Variants in SYT1 observed in about 807,000 individuals in gnomAD.
SYT1 encodes the protein synaptotagmin 1, also known as synaptotagmin-1.
In SYT1, 8 loss-of-function variants were observed where a neutral mutation model predicts 44.8. The observed-to-expected ratio is 0.18, with a 90% CI of 0.10 to 0.32. The LOEUF (loss-of-function observed/expected upper bound fraction) is 0.32, where lower values mean the gene tolerates loss of function less well. SYT1 is among the 10% of genes least tolerant of loss of function. The pLI is 1.00. For missense variants in SYT1, 286 were observed against 509.3 expected, an observed-to-expected ratio of 0.56 and a Z score of 4.22; for synonymous variants, 154 against 188.8, an observed-to-expected ratio of 0.82 and a Z score of 1.51.
intron 4 of SYT1, among the ~76,000 whole-genome samples, chr12:79,266,749 G>C (rs760897780): frequency 2.0e-5 from 3 of 152,162 alleles, no homozygotes; most frequent in Non-Finnish European, 4.4e-5. Flanking sequence ...AATTGCCATG[G>C]AGAGAAACTG....
At chr12:79,380,681 C>A (rs1390159925) in intron 9 of SYT1, among the ~76,000 whole-genome samples, 3 of 152,200 alleles carry the variant, frequency 2.0e-5, no homozygotes, top group African/African-American at 4.8e-5. Flanking sequence ...AGCCATCATG[C>A]CCAGCTAAAC....
chr12:78,945,268 T>G (rs1878591472), intron 1 of SYT1, among the ~76,000 whole-genome samples: 1 of 152,140 alleles, frequency 6.6e-6, no homozygotes, highest in African/African-American at 2.4e-5. Context: ...TAACTTGATT[T>G]TTTTTCTTAC....
chr12:79,032,619 T>C (rs969151451), intron 2 of SYT1, among the ~76,000 whole-genome samples: 1 of 151,376 alleles, frequency 6.6e-6, no homozygotes, highest in Non-Finnish European at 1.5e-5. Context: ...TTTCATTATG[T>C]TGACATTTTA....
chr12:79,022,095 C>T (rs1872233082), intron 2 of SYT1, among the ~76,000 whole-genome samples: 1 of 149,198 alleles, frequency 6.7e-6, no homozygotes, highest in African/African-American at 2.5e-5. Flanking sequence ...AATGAATTTG[C>T]GGAAGAAAAA....
chr12:78,990,582 A>G (rs1223611771), intron 2 of SYT1, among the ~76,000 whole-genome samples: 2 of 152,210 alleles, frequency 1.3e-5, no homozygotes, highest in Non-Finnish European at 2.9e-5. Flanking sequence ...TATTGTGAGA[A>G]GTCCAAAATT....
intron 1 of SYT1, among the ~76,000 whole-genome samples, chr12:78,866,094 A>T (rs577486621): frequency 3.3e-5 from 5 of 152,298 alleles, no homozygotes; most frequent in African/African-American, 7.2e-5. Flanking sequence ...CTTTGTGTAC[A>T]TGTTGATATT....
chr12:79,398,481 G>C (rs1884953636), intron 9 of SYT1, among the ~76,000 whole-genome samples: 1 of 152,150 alleles, frequency 6.6e-6, no homozygotes, highest in Non-Finnish European at 1.5e-5. Flanking sequence ...AGCCTATTAT[G>C]ACATAAAATA....
chr12:79,353,764 C>G, intron 9 of SYT1, 145 bp downstream of exon 9: 1 of 657,116 alleles, frequency 1.5e-6, no homozygotes, highest in Non-Finnish European at 2.8e-6. Context: ...CAGAATTCAT[C>G]CCAACACAGT....
intron 3 of SYT1, among the ~76,000 whole-genome samples, chr12:79,196,146 A>C (rs1190320632): frequency 8.1e-6 from 1 of 122,856 alleles, no homozygotes; most frequent in Non-Finnish European, 1.7e-5. Context: ...TACATTTCTA[A>C]TTCTGTTGTT....
At chr12:78,936,243 AAG>A (rs1878050851) in intron 1 of SYT1, among the ~76,000 whole-genome samples, 1 of 152,168 alleles carries the variant, frequency 6.6e-6, no homozygotes, top group South Asian at 2.1e-4. Context: ...TTGCTTAGAT[AAG>A]GACATAGTAT....
chr12:78,937,454 A>T (rs1023918235), intron 1 of SYT1, among the ~76,000 whole-genome samples: 2 of 152,130 alleles, frequency 1.3e-5, no homozygotes, highest in African/African-American at 4.8e-5. Flanking sequence ...GATTGCATAG[A>T]AGAGGATTAT....
At chr12:79,031,380 A>G (rs1170957190) in intron 2 of SYT1, among the ~76,000 whole-genome samples, 1 of 151,116 alleles carries the variant, frequency 6.6e-6, no homozygotes, top group Admixed American at 6.6e-5. Flanking sequence ...TGTATTCATC[A>G]GGGCTTCCAT....
At chr12:79,117,689 AT>A in intron 3 of SYT1, among the ~76,000 whole-genome samples, 1 of 81,466 alleles carries the variant, frequency 1.2e-5, no homozygotes, top group South Asian at 3.8e-4. Context: ...ATATATATAT[AT>A]ATATATATAT....
chr12:79,285,823 C>T lies in SYT1; in HGVS notation c.203C>T (p.Ala68Val), dbSNP rs948883366. The T allele has an allele frequency of 5.6e-6, 9 of 1,611,560 alleles. No individual in the cohort carries two copies. The highest frequency in any genetic ancestry group is 3.3e-4 in the Middle Eastern group (2 of 6,078). ...PWALIAIAIV[A>V]VLLVLTCCFC... ...GCCTTAATTGCAATAGCCATAGTCG[C>T]AGTCCTTTTAGTCCTGACCTGCTGC... Residue 68 changes from alanine to valine, a missense_variant, in exon 5 of 11, where the codon GCA becomes GTA. Around this residue, in one of 6 missense-constraint regions of SYT1, gnomAD observed 141 missense variants for 165.7 expected, o/e 0.85. Transcript: ENST00000261205.
At chr12:79,140,064 C>G (rs1565823533) in intron 3 of SYT1, among the ~76,000 whole-genome samples, 1 of 152,182 alleles carries the variant, frequency 6.6e-6, no homozygotes, top group African/African-American at 2.4e-5. Flanking sequence ...CCCCTTTGCC[C>G]CTGGGCTCCC....
intron 1 of SYT1, among the ~76,000 whole-genome samples, chr12:78,892,079 CT>C (rs1311259636): frequency 6.6e-6 from 1 of 151,684 alleles, no homozygotes; most frequent in Non-Finnish European, 1.5e-5. Context: ...CAAGTTATGT[CT>C]GGTTTTCCTT....
intron 8 of SYT1, among the ~76,000 whole-genome samples, chr12:79,331,837 T>A (rs1397701366): frequency 2.0e-5 from 3 of 151,102 alleles, no homozygotes; most frequent in African/African-American, 7.3e-5. Context: ...CAAAAAAAAA[T>A]AAAGTCATAA....
rs1565697652 is a variant in SYT1, at chr12:78,876,813, C to CATATAATATATTATATGTATTAT, written c.-217+11708_-217+11709insAATATATTATATGTATTATATAT. Among the ~76,000 whole-genome samples, 46 of 5,944 alleles carry CATATAATATATTATATGTATTAT rather than the reference C, an allele frequency of 7.7e-3. 4 individuals are homozygous for CATATAATATATTATATGTATTAT. The highest frequency in any genetic ancestry group is 0.017 in the African/African-American group (46 of 2,682). The allele number at this position is 5,944 out of a possible 152,430, so 3.9% of individuals were successfully genotyped here. A position where few individuals can be genotyped will look rare whatever the true frequency, so the allele number is the denominator to read the frequency against. ...TACATATAATATATTATATGTAATA[C>CATATAATATATTATATGTATTAT]ATATCATATATTATATGTATTATAT... On this transcript the variant is annotated intron_variant, in intron 1 of 10. Transcript: ENST00000261205.
intron 3 of SYT1, among the ~76,000 whole-genome samples, chr12:79,090,916 T>C (rs1427882735): frequency 3.8e-4 from 58 of 151,992 alleles, no homozygotes; most frequent in Admixed American, 3.7e-3. Flanking sequence ...GTCAGACCTT[T>C]AAAAGTGTCA....
Sources: allele counts gnomAD v4.1 joint callset (sites outside exome capture counted in the v4.1 genomes callset), GRCh38; gene constraint gnomAD v4.1.1; regional missense constraint gnomAD v4.1.1; transcripts MANE v1.5; gene names NCBI Gene and HGNC (gene_info 2026-07-23, HGNC 2026-07-21).